LINGO2: variants seen among roughly 807,000 people sequenced by gnomAD.
LINGO2 encodes the protein leucine-rich repeat and immunoglobulin-like domain-containing nogo receptor-interacting protein 2.
A neutral mutation model predicts 30.6 loss-of-function variants in LINGO2; 14 were observed. The observed-to-expected ratio is 0.46, with a 90% CI of 0.30 to 0.72. The LOEUF (loss-of-function observed/expected upper bound fraction) is 0.72, where lower values mean the gene tolerates loss of function less well. Among genes scored for constraint, LINGO2 ranks in the 30% least tolerant of loss-of-function variants. LINGO2 has a pLI of 0.07. For synonymous variants in LINGO2, 317 were observed against 288.5 expected, an observed-to-expected ratio of 1.10 and a Z score of -1.00; for missense variants, 729 against 751.7, an observed-to-expected ratio of 0.97 and a Z score of 0.35.
the LINGO2 span, among the ~76,000 whole-genome samples, chr9:29,081,126 A>G: frequency 6.6e-6 from 1 of 152,254 alleles, no homozygotes; most frequent in Non-Finnish European, 1.5e-5. Flanking sequence ...ACACACAAAA[A>G]AGAGAATTTT....
chr9:28,855,210 T>C, the LINGO2 span, among the ~76,000 whole-genome samples: 1 of 151,904 alleles, frequency 6.6e-6, no homozygotes, highest in African/African-American at 2.4e-5. Context: ...TTTGCGATCC[T>C]CCAAGGATGT....
At chr9:28,414,058 A>C (rs781073934) in intron 2 of LINGO2, among the ~76,000 whole-genome samples, 5 of 152,116 alleles carry the variant, frequency 3.3e-5, no homozygotes, top group African/African-American at 1.2e-4. Flanking sequence ...TAAGCAAAGC[A>C]GCAGCTTGTT....
the LINGO2 span, among the ~76,000 whole-genome samples, chr9:28,790,422 G>C: frequency 7.0e-6 from 1 of 142,300 alleles, no homozygotes; most frequent in African/African-American, 2.6e-5. Flanking sequence ...TCCGCCTCCC[G>C]GGTTCACGCC....
At chr9:29,008,864 C>T in the LINGO2 span, among the ~76,000 whole-genome samples, 1 of 152,094 alleles carries the variant, frequency 6.6e-6, no homozygotes, top group Non-Finnish European at 1.5e-5. Flanking sequence ...CCTGGGATTG[C>T]AAGGCTGGTT....
chr9:28,471,649 A>G (rs1825524643), intron 2 of LINGO2, among the ~76,000 whole-genome samples: 2 of 152,156 alleles, frequency 1.3e-5, no homozygotes, highest in African/African-American at 4.8e-5. Flanking sequence ...TAAAACAAAA[A>G]TCTCTGATAA....
the LINGO2 span, among the ~76,000 whole-genome samples, chr9:28,787,228 C>T: frequency 9.9e-5 from 15 of 151,984 alleles, 1 homozygote; most frequent in Admixed American, 7.9e-4. Flanking sequence ...CAGAAAATTC[C>T]GGAGCTTAAC....
chr9:28,675,930 C>T, the LINGO2 span, among the ~76,000 whole-genome samples: 1,768 of 108,634 alleles, frequency 0.016, 33 homozygotes, highest in African/African-American at 0.062. Context: ...TATATACATA[C>T]ACACACACAC....
intron 4 of LINGO2, among the ~76,000 whole-genome samples, chr9:28,025,021 A>T: frequency 6.6e-6 from 1 of 152,158 alleles, no homozygotes; most frequent in South Asian, 2.1e-4. Context: ...CAAAGGCAGT[A>T]ATCATTTCAC....
intron 4 of LINGO2, among the ~76,000 whole-genome samples, chr9:28,294,249 G>A (rs893381726): frequency 7.2e-5 from 11 of 152,112 alleles, no homozygotes; most frequent in East Asian, 3.9e-4. Context: ...ACTGAGTTCC[G>A]TTTACTTTAT....
chr9:28,781,580 T>A, the LINGO2 span, among the ~76,000 whole-genome samples: 1 of 152,322 alleles, frequency 6.6e-6, no homozygotes, highest in East Asian at 1.9e-4. Context: ...TAATTATGCA[T>A]GTTATTAAAC....
chr9:28,669,935 G>A (rs139509209), intron 1 of LINGO2, among the ~76,000 whole-genome samples: 97 of 152,056 alleles, frequency 6.4e-4, no homozygotes, highest in African/African-American at 2.2e-3. Flanking sequence ...TATACAGACT[G>A]TCAGAAACAT....
intron 4 of LINGO2, among the ~76,000 whole-genome samples, chr9:28,158,805 A>G (rs915469222): frequency 7.9e-5 from 12 of 152,224 alleles, no homozygotes; most frequent in Non-Finnish European, 4.4e-5. Flanking sequence ...CTGACTGTGC[A>G]TTCACAATAC....
upstream of LINGO2, among the ~76,000 whole-genome samples, chr9:28,673,304 A>G (rs1016362674): frequency 1.3e-5 from 2 of 152,138 alleles, no homozygotes; most frequent in African/African-American, 4.8e-5. Flanking sequence ...ATCCTAGATC[A>G]TGTGATTTAT....
the LINGO2 span, among the ~76,000 whole-genome samples, chr9:28,675,495 T>A: frequency 1.4e-4 from 22 of 152,152 alleles, no homozygotes; most frequent in Non-Finnish European, 5.9e-5. Context: ...AAATGCAATA[T>A]AATCTGTTTC....
At chr9:28,590,665 C>T (rs1824842424) in intron 1 of LINGO2, among the ~76,000 whole-genome samples, 1 of 152,050 alleles carries the variant, frequency 6.6e-6, no homozygotes, top group South Asian at 2.1e-4. Flanking sequence ...ACGACAGGTG[C>T]TGGAGAGGAT....
chr9:28,028,372 AAC>A (rs1462110776), intron 4 of LINGO2, among the ~76,000 whole-genome samples: 5 of 152,154 alleles, frequency 3.3e-5, no homozygotes, highest in Non-Finnish European at 7.4e-5. Context: ...CTGTCATAGC[AAC>A]AGTGTTACAT....
At chr9:28,633,251 T>G (rs989801565) in intron 1 of LINGO2, among the ~76,000 whole-genome samples, 5 of 152,080 alleles carry the variant, frequency 3.3e-5, no homozygotes, top group African/African-American at 1.2e-4. Context: ...CACTCAGGAT[T>G]AATACTTTGT....
At chr9:28,505,902 A>T (rs945554636) in intron 1 of LINGO2, among the ~76,000 whole-genome samples, 8 of 151,910 alleles carry the variant, frequency 5.3e-5, no homozygotes, top group Non-Finnish European at 1.2e-4. Flanking sequence ...CTTCAACTAA[A>T]TAACATTTTT....
chr9:28,709,009 C>A, the LINGO2 span, among the ~76,000 whole-genome samples: 1 of 151,990 alleles, frequency 6.6e-6, no homozygotes, highest in Admixed American at 6.6e-5. Flanking sequence ...ACATTTTAAC[C>A]ATTTTTCCTC....
Sources: allele counts gnomAD v4.1 joint callset (sites outside exome capture counted in the v4.1 genomes callset), GRCh38; gene constraint gnomAD v4.1.1; transcripts MANE v1.5; gene names NCBI Gene and HGNC (gene_info 2026-07-23, HGNC 2026-07-21).